SUCO: variants seen among roughly 807,000 people sequenced by gnomAD.
The protein encoded by SUCO is SUN domain containing ossification factor.
Under a neutral mutation model 148.1 loss-of-function variants are expected in SUCO, and 57 were observed. The observed-to-expected ratio is 0.38, with a 90% CI of 0.31 to 0.48. SUCO has a LOEUF of 0.48. SUCO is among the 20% of genes least tolerant of loss of function. The pLI, the probability that SUCO is intolerant of heterozygous loss-of-function variation, is 0.96. For missense variants in SUCO, 1,331 were observed against 1,468.2 expected, an observed-to-expected ratio of 0.91 and a Z score of 1.53; for synonymous variants, 470 against 502.7, an observed-to-expected ratio of 0.93 and a Z score of 0.87.
chr1:172,584,969 T>C, intron 15 of SUCO, 49 bp from the exon 16 acceptor site: 1 of 1,192,366 alleles, frequency 8.4e-7, no homozygotes, highest in Admixed American at 2.0e-5. Context: ...TTAATTTATA[T>C]TAGAATATTT....
At chr1:172,535,434 G>T (rs1651935075) in intron 1 of SUCO, among the ~76,000 whole-genome samples, 1 of 152,212 alleles carries the variant, frequency 6.6e-6, no homozygotes, top group Non-Finnish European at 1.5e-5. Context: ...GATGATGAAT[G>T]AGATTGGGGA....
intron 13 of SUCO, 121 bp downstream of exon 13, chr1:172,577,940 CTG>C (rs1265237003): frequency 2.4e-5 from 16 of 674,228 alleles, no homozygotes; most frequent in African/African-American, 3.7e-5. Flanking sequence ...GAAATAAAAA[CTG>C]TGAAACCTTT....
chr1:172,574,046 AAAAG>A, intron 10 of SUCO, 48 bp downstream of exon 10: 1 of 1,178,750 alleles, frequency 8.5e-7, no homozygotes, highest in Non-Finnish European at 1.2e-6. Context: ...ATCTCTGAAA[AAAAG>A]AAAAACAAAA....
rs934001929 is a variant in SUCO at position 172,609,699 on chromosome 1, A to C, written c.3322-117A>C. The C allele has an allele frequency of 2.0e-5, 29 of 1,473,394 alleles. 1 individual carries two copies. In the South Asian group the frequency reaches 3.8e-4, roughly 19 times the overall value. The allele number at this position is 1,473,394 out of a possible 1,614,324, so 91.3% of individuals were successfully genotyped here. ...ATGTATGTGTTCTGTGCTGTTTATAATACTGTTTTACTTTTCACCAGGAGG... is the reference window on the plus strand; with the variant it reads ...ATGTATGTGTTCTGTGCTGTTTATACTACTGTTTTACTTTTCACCAGGAGG... On this transcript the variant is annotated intron_variant, in intron 23 of 23. Transcript: ENST00000263688.
intron 6 of SUCO, among the ~76,000 whole-genome samples, chr1:172,565,118 C>G (rs1654464063): frequency 6.6e-6 from 1 of 152,154 alleles, no homozygotes; most frequent in Non-Finnish European, 1.5e-5. Flanking sequence ...CCATTTTAAT[C>G]ATTTTAAAGC....
At chr1:172,567,058 A>T (rs950894660) in intron 6 of SUCO, among the ~76,000 whole-genome samples, 7 of 152,224 alleles carry the variant, frequency 4.6e-5, no homozygotes, top group African/African-American at 1.4e-4. Flanking sequence ...AAGCACTCTA[A>T]GGTGGAAGTT....
Position 172,590,972 on chromosome 1 carries a change from C to A in SUCO, c.2826-12C>A. On this transcript the variant is annotated splice_polypyrimidine_tract_variant and intron_variant, in intron 18 of 23. Transcript: ENST00000263688. ...AAATTAAAGCTGATTTAGACCAATT[C>A]TTACTTCATAGGTACCGAAAACAAA... The A allele has an allele frequency of 6.3e-7, 1 of 1,597,050 alleles. No individual in the cohort carries two copies. Among genetic ancestry groups the A allele is most frequent in the South Asian group, 1.1e-5 (1 of 89,428 alleles).
chr1:172,601,528 C>T (rs1029721286), intron 20 of SUCO, among the ~76,000 whole-genome samples: 1 of 151,332 alleles, frequency 6.6e-6, no homozygotes, highest in African/African-American at 2.4e-5. Flanking sequence ...ATTGCAGTAG[C>T]CTGAATGAGG....
intron 13 of SUCO, 108 bp downstream of exon 13, chr1:172,577,927 A>T (rs1655573088): frequency 1.3e-6 from 1 of 765,824 alleles, no homozygotes; most frequent in African/African-American, 1.8e-5. Flanking sequence ...AGTTAATACC[A>T]TAGAAATAAA....
Position 172,589,828 on chromosome 1 carries a change from C to T in SUCO, c.2727C>T (p.Asn909=), listed in dbSNP as rs1353689574. The stretch of plus-strand genomic sequence containing the variant: ...ATGGAAATCTTGTACATGGATCAAA[C>T]CAAAAGGAGTCAGTATTTATGAGAC... The part of the protein sequence containing the change: ...YANGNLVHGS[N]QKESVFMRLN... The change falls in exon 18 of 24, where the codon AAC becomes AAT. Residue 909 remains asparagine, a synonymous_variant. Transcript: ENST00000263688. 6.2e-7 allele frequency: 1 copy of T among 1,608,236 alleles called. No homozygotes were observed. The highest frequency in any genetic ancestry group is 1.1e-5 in the South Asian group (1 of 90,522).
At chr1:172,546,167 C>G (rs935391351) in intron 1 of SUCO, among the ~76,000 whole-genome samples, 16 of 152,086 alleles carry the variant, frequency 1.1e-4, no homozygotes, top group African/African-American at 3.6e-4. Flanking sequence ...GACTCCTGAT[C>G]TCCTCTTAAA....
intron 6 of SUCO, 23 bp from the exon 7 acceptor site, chr1:172,568,996 T>G: frequency 6.5e-7 from 1 of 1,546,644 alleles, no homozygotes; most frequent in Non-Finnish European, 8.6e-7. Context: ...TGAAGTCTTC[T>G]TACTTTTTGG....
Position 172,589,619 on chromosome 1 carries a change from G to A in SUCO, c.2518G>A (p.Glu840Lys), listed in dbSNP as rs999510162. 6.2e-7 allele frequency: 1 copy of A among 1,613,912 alleles called. No individual in the cohort carries two copies. The highest frequency in any genetic ancestry group is 1.3e-5 in the African/African-American group (1 of 75,044). ...CACTGTACCCGACAATGAAGATGGG[G>A]AAGCCAAAATGAATATAGCTGACAC... ...TATVPDNEDG[E>K]AKMNIADTAK... The change falls in exon 18 of 24, where the codon GAA (glutamate) becomes AAA (lysine). Residue 840 changes from glutamate (E) to lysine (K), a missense_variant. Glu to Lys is a moderately conservative substitution (Grantham distance 56). Coordinates refer to ENST00000263688, the MANE Select transcript of SUCO (RefSeq NM_014283.5).
At chr1:172,606,861 C>T (rs920892860) in intron 22 of SUCO, among the ~76,000 whole-genome samples, 1 of 151,710 alleles carries the variant, frequency 6.6e-6, no homozygotes, top group African/African-American at 2.4e-5. Context: ...GTATATCTTC[C>T]CTGTCTTGTA....
chr1:172,571,739 T>C lies in SUCO; in HGVS notation c.1049+1009T>C, dbSNP rs1250618097. ...CCGTCTGGGATGTGAGGAGCGCCTC[T>C]ACCCGGGCGCGACCCCGTCTGGGAG... On this transcript the variant is annotated intron_variant, in intron 9 of 23. Coordinates refer to ENST00000263688, the MANE Select transcript of SUCO (RefSeq NM_014283.5). Among the ~76,000 whole-genome samples the C allele has an allele frequency of 1.8e-3, 86 of 47,784 alleles. 1 individual carries two copies. Among genetic ancestry groups the C allele is most frequent in the African/African-American group, 8.6e-3 (80 of 9,326 alleles). 31.3% of individuals were successfully genotyped at this position (47,784 alleles called of 152,430 possible). A position where few individuals can be genotyped will look rare whatever the true frequency, so the allele number is the denominator to read the frequency against.
chr1:172,599,973 T>G, intron 19 of SUCO, 91 bp from the exon 20 acceptor site: 1 of 870,510 alleles, frequency 1.1e-6, no homozygotes, highest in Middle Eastern at 2.5e-4. Context: ...TTGGAATAAC[T>G]TAATGGTTTT....
chr1:172,581,487 G>A (rs1178611788), intron 15 of SUCO, among the ~76,000 whole-genome samples: 1 of 152,112 alleles, frequency 6.6e-6, no homozygotes, highest in Non-Finnish European at 1.5e-5. Context: ...GCCTAACACT[G>A]CTGCCTTCTG....
chr1:172,591,304 A>G (rs1465137186), intron 19 of SUCO, among the ~76,000 whole-genome samples: 2 of 152,014 alleles, frequency 1.3e-5, no homozygotes, highest in Non-Finnish European at 2.9e-5. Flanking sequence ...TTTAAGTTCT[A>G]GGGTACATGT....
chr1:172,545,931 C>G (rs1206806215), intron 1 of SUCO, among the ~76,000 whole-genome samples: 1 of 151,882 alleles, frequency 6.6e-6, no homozygotes, highest in Non-Finnish European at 1.5e-5. Flanking sequence ...CTTTCCTTTC[C>G]TTTCCTTTCC....
Sources: allele counts gnomAD v4.1 joint callset (sites outside exome capture counted in the v4.1 genomes callset), GRCh38; gene constraint gnomAD v4.1.1; transcripts MANE v1.5; gene names NCBI Gene and HGNC (gene_info 2026-07-23, HGNC 2026-07-21).